The following SIPA1L2 variants were observed in gnomAD, a reference collection of about 807,000 sequenced individuals.
The protein encoded by SIPA1L2 is signal-induced proliferation-associated 1-like protein 2.
A neutral mutation model predicts 163.9 loss-of-function variants in SIPA1L2; 56 were observed. The observed-to-expected ratio is 0.34, with a 90% CI of 0.28 to 0.43. SIPA1L2 has a LOEUF of 0.43. Among genes scored for constraint, SIPA1L2 ranks in the 20% least tolerant of loss-of-function variants. The pLI, the probability that SIPA1L2 is intolerant of heterozygous loss-of-function variation, is 1.00. For synonymous variants in SIPA1L2, 877 were observed against 865.7 expected (o/e 1.01, Z -0.23); for missense variants, 1,974 against 2,193.5 (o/e 0.90, Z 2.00).
rs776186058 is a variant in SIPA1L2, at chr1:232,461,179, T to C, written c.2821-18A>G. The C allele has an allele frequency of 6.2e-7, 1 of 1,607,794 alleles. No individual in the cohort carries two copies. Among genetic ancestry groups the C allele is most frequent in the African/African-American group, 1.3e-5 (1 of 74,928 alleles). On this transcript the variant is annotated intron_variant, in intron 9 of 22. Transcript: ENST00000674635. The stretch of plus-strand genomic sequence containing the variant: ...GTCACTATCTAAGGGGGAAGGAGAC[T>C]GTTAGAGATGCCCTTCCTGCCCAAG...
intron 17 of SIPA1L2, 54 bp from the exon 18 acceptor site, chr1:232,425,862 C>T (rs531604147): frequency 2.1e-5 from 31 of 1,495,860 alleles, no homozygotes; most frequent in East Asian, 1.1e-4. Context: ...AACGAATGCA[C>T]GGGGCTTGTT....
chr1:232,626,995 T>C (rs1195473247), intron 1 of SIPA1L2, among the ~76,000 whole-genome samples: 1 of 152,014 alleles, frequency 6.6e-6, no homozygotes, highest in Non-Finnish European at 1.5e-5. Context: ...ACCTAGAACA[T>C]GGTTCACTAT....
Position 232,567,760 on chromosome 1 carries a change from G to A in SIPA1L2, c.-270+6414C>T, listed in dbSNP as rs557814469. 8.5e-5 allele frequency among the ~76,000 whole-genome samples: 13 copies of A among 152,304 alleles called. No homozygotes were observed. In the East Asian group the frequency reaches 2.5e-3, roughly 29 times the overall value. On this transcript the variant is annotated intron_variant, in intron 2 of 22. Coordinates refer to ENST00000674635, the MANE Select transcript of SIPA1L2 (RefSeq NM_020808.5). ...ATGCTAATGAGTTAATTGATGGATG[G>A]CAGCCCTGAGGTAGCTTTAGGATGG...
At chr1:232,550,334 G>A (rs1193344299) in intron 2 of SIPA1L2, among the ~76,000 whole-genome samples, 1 of 152,062 alleles carries the variant, frequency 6.6e-6, no homozygotes, top group East Asian at 1.9e-4. Flanking sequence ...TTCTTATCCA[G>A]CCACCCACCG....
chr1:232,499,063 A>G (rs1666338973), intron 3 of SIPA1L2, among the ~76,000 whole-genome samples: 1 of 152,208 alleles, frequency 6.6e-6, no homozygotes, highest in African/African-American at 2.4e-5. Flanking sequence ...GGGGGTAATA[A>G]TATAGGAAAG....
At chr1:232,602,590 A>G (rs1661661927) in intron 1 of SIPA1L2, among the ~76,000 whole-genome samples, 1 of 152,042 alleles carries the variant, frequency 6.6e-6, no homozygotes, top group Non-Finnish European at 1.5e-5. Flanking sequence ...CGGCCTCCCA[A>G]AGTGCTGGGA....
intron 6 of SIPA1L2, 108 bp downstream of exon 6, chr1:232,483,684 G>T: frequency 8.2e-7 from 1 of 1,217,690 alleles, no homozygotes; most frequent in Non-Finnish European, 1.2e-6. Context: ...TTTCTAGGCT[G>T]CTTCTGGGGC....
chr1:232,409,941 AAT>A (rs2102762059), intron 19 of SIPA1L2, among the ~76,000 whole-genome samples: 1 of 152,210 alleles, frequency 6.6e-6, no homozygotes, highest in South Asian at 2.1e-4. Context: ...TACTTATAAA[AAT>A]ATATTTCAAA....
At chr1:232,436,609 G>A (rs1662578383) in intron 15 of SIPA1L2, among the ~76,000 whole-genome samples, 1 of 152,184 alleles carries the variant, frequency 6.6e-6, no homozygotes, top group African/African-American at 2.4e-5. Context: ...GGGGCTAAGG[G>A]AGCCTTCCTC....
chr1:232,410,964 T>C (rs1377918374), intron 19 of SIPA1L2, among the ~76,000 whole-genome samples: 1 of 152,046 alleles, frequency 6.6e-6, no homozygotes, highest in African/African-American at 2.4e-5. Context: ...TTGCAGAAAA[T>C]TAAGTGATCA....
intron 19 of SIPA1L2, among the ~76,000 whole-genome samples, chr1:232,413,604 C>T (rs1198673590): frequency 6.6e-6 from 1 of 152,172 alleles, no homozygotes; most frequent in Non-Finnish European, 1.5e-5. Context: ...TAGTTCTGGG[C>T]TGTGTAAAAC....
chr1:232,629,145 C>T (rs1018675168), intron 1 of SIPA1L2, among the ~76,000 whole-genome samples: 1 of 152,186 alleles, frequency 6.6e-6, no homozygotes, highest in Admixed American at 6.5e-5. Context: ...GGGGTAATGC[C>T]AAGTTGTTCT....
rs146797741 is a variant in SIPA1L2 at position 232,474,065 on chromosome 1, A to G, written c.2086-2537T>C. Among the ~76,000 whole-genome samples, 20 of 152,290 alleles carry G rather than the reference A, an allele frequency of 1.3e-4. No individual in the cohort carries two copies. The East Asian group carries it at 2.7e-3, about 21-fold the overall frequency. On this transcript the variant is annotated intron_variant, in intron 7 of 22. Transcript: ENST00000674635. ...TAACTGGTCAATGAAATTCTATACAATCAGAGTCTGTGAATGGGGAAAAGG... is the reference window on the plus strand; with the variant it reads ...TAACTGGTCAATGAAATTCTATACAGTCAGAGTCTGTGAATGGGGAAAAGG...
At chr1:232,426,358 C>T (rs951218399) in intron 17 of SIPA1L2, among the ~76,000 whole-genome samples, 2 of 152,218 alleles carry the variant, frequency 1.3e-5, no homozygotes, top group African/African-American at 4.8e-5. Context: ...GTCTTACTGT[C>T]CACTTAAAAG....
At chr1:232,478,274 A>G (rs964810072) in intron 7 of SIPA1L2, among the ~76,000 whole-genome samples, 9 of 152,206 alleles carry the variant, frequency 5.9e-5, no homozygotes, top group Non-Finnish European at 1.0e-4. Flanking sequence ...ATTATTAGAA[A>G]ACACTAGAAA....
Position 232,514,340 on chromosome 1 carries a change from C to T in SIPA1L2, c.1000G>A (p.Val334Ile), listed in dbSNP as rs1204595622. Reference protein sequence around the residue: ...NCQRCFAHYDVQSILFNINEA... With the variant: ...NCQRCFAHYDIQSILFNINEA... Reference sequence around the variant, plus strand: ...TTGATATTAAACAAAATGCTCTGGACATCATAATGTGCAAAACATCGCTGA... The same window carrying T: ...TTGATATTAAACAAAATGCTCTGGATATCATAATGTGCAAAACATCGCTGA... Residue 334 changes from valine to isoleucine, a missense_variant, in exon 3 of 23, where the codon GTC becomes ATC. Val to Ile is a conservative substitution (Grantham distance 29). Transcript: ENST00000674635. The T allele has an allele frequency of 6.2e-7, 1 of 1,613,122 alleles. No homozygotes were observed. The highest frequency in any genetic ancestry group is 1.3e-5 in the African/African-American group (1 of 74,952).
Position 232,465,497 on chromosome 1 carries a change from C to T in SIPA1L2, c.2244-81G>A, listed in dbSNP as rs530480655. ...TCTTTCCGAATTTGACATATATATA[C>T]ACACACACACACATATACATACACA... is the stretch of plus-strand genomic sequence containing the variant. On this transcript the variant is annotated intron_variant, in intron 8 of 22. Coordinates refer to ENST00000674635, the MANE Select transcript of SIPA1L2 (RefSeq NM_020808.5). The surrounding 1 kb of genome is among the most constrained non-coding windows in gnomAD (Gnocchi z 4.1). 84 of 862,814 alleles carry T rather than the reference C, an allele frequency of 9.7e-5. No homozygotes were observed. The highest frequency in any genetic ancestry group is 5.1e-4 in the East Asian group (15 of 29,422). 53.4% of individuals were successfully genotyped at this position (862,814 alleles called of 1,614,324 possible). A position where few individuals can be genotyped will look rare whatever the true frequency, so the allele number is the denominator to read the frequency against.
At chr1:232,567,958 T>C (rs1163197515) in intron 2 of SIPA1L2, among the ~76,000 whole-genome samples, 1 of 152,166 alleles carries the variant, frequency 6.6e-6, no homozygotes, top group Admixed American at 6.5e-5. Context: ...AACGCCAGGG[T>C]TCCAGAAGCT....
chr1:232,609,147 CTAAT>C (rs1305217023), intron 1 of SIPA1L2, among the ~76,000 whole-genome samples: 6 of 152,060 alleles, frequency 3.9e-5, no homozygotes, highest in African/African-American at 1.5e-4. Flanking sequence ...AGTCACATGA[CTAAT>C]TAAGATCATT....
Sources: allele counts gnomAD v4.1 joint callset (sites outside exome capture counted in the v4.1 genomes callset), GRCh38; gene constraint gnomAD v4.1.1; non-coding constraint Gnocchi (gnomAD v3.1); transcripts MANE v1.5; gene names NCBI Gene and HGNC (gene_info 2026-07-23, HGNC 2026-07-21).